The following LMBR1L variants were observed in gnomAD, a reference collection of about 807,000 sequenced individuals.
LMBR1L encodes the protein protein LMBR1L.
Under a neutral mutation model 67.3 loss-of-function variants are expected in LMBR1L, and 47 were observed. That is an observed-to-expected ratio of 0.70 (90% CI 0.55 to 0.89). The LOEUF (loss-of-function observed/expected upper bound fraction) is 0.89. LMBR1L is among the 40% of genes least tolerant of loss of function. The pLI, the probability that LMBR1L is intolerant of heterozygous loss-of-function variation, is 0.00. For synonymous variants in LMBR1L, 247 were observed against 250.3 expected (o/e 0.99, Z 0.13); for missense variants, 533 against 599.2 (o/e 0.89, Z 1.15).
chr12:49,100,666 G>C lies in LMBR1L; in HGVS notation c.1083-20C>G. 6.4e-7 allele frequency: 1 copy of C among 1,565,764 alleles called. No homozygotes were observed. The highest frequency in any genetic ancestry group is 2.2e-5 in the East Asian group (1 of 44,484). On this transcript the variant is annotated intron_variant, in intron 13 of 16. Transcript: ENST00000267102. The stretch of plus-strand genomic sequence containing the variant: ...AGGTAACTGCCACTGCATTAAGGAA[G>C]AACTGGCTGGCTCCAAGAATTAATA...
intron 15 of LMBR1L, among the ~76,000 whole-genome samples, chr12:49,099,339 G>A (rs969484816): frequency 2.6e-5 from 4 of 151,624 alleles, no homozygotes; most frequent in African/African-American, 7.3e-5. Flanking sequence ...CATAAAGATG[G>A]GGTTTCACCA....
At position 49,110,603 on chromosome 12, in the gene LMBR1L, GA is replaced by G. The variant is rs770273102; in HGVS notation, c.-49del. ...CCGAGGTGCCTCTGGGCCCGGGGAG[GA>G]CGAGCGGGGAGGAAGCCGCCGCCGC... On this transcript the variant is annotated 5_prime_UTR_variant, in exon 1 of 17. Coordinates refer to ENST00000267102, the MANE Select transcript of LMBR1L (RefSeq NM_018113.4). 5.1e-6 allele frequency: 8 copies of G among 1,568,782 alleles called. No individual in the cohort carries two copies. In the African/African-American group the frequency reaches 1.1e-4, roughly 21 times the overall value.
rs780859479 is a variant in LMBR1L at position 49,098,019 on chromosome 12, A to C, written c.1327T>G (p.Phe443Val). 1 of 1,614,148 alleles carries C rather than the reference A, an allele frequency of 6.2e-7. No individual in the cohort carries two copies. Among genetic ancestry groups the C allele is most frequent in the Non-Finnish European group, 8.5e-7 (1 of 1,180,024 alleles). ...AGACAGAGTGTGGTGAGGCCTGCAA[A>C]GGCTGCGTTGTAGAGGAACACAATG... ...FYIVFLYNAA[F>V]AGLTTLCLVK... is the part of the protein sequence containing the mutation. Residue 443 changes from phenylalanine to valine, a missense_variant, in exon 16 of 17, where the codon TTT (phenylalanine) becomes GTT (valine). This residue lies in a region of LMBR1L where 223 missense variants were observed against 241.2 expected (regional missense o/e 0.92). Coordinates refer to ENST00000267102, the MANE Select transcript of LMBR1L (RefSeq NM_018113.4).
intron 8 of LMBR1L, among the ~76,000 whole-genome samples, 169 bp downstream of exon 8, chr12:49,102,718 A>T (rs1416302802): frequency 1.3e-5 from 2 of 152,168 alleles, no homozygotes; most frequent in African/African-American, 4.8e-5. Context: ...TCTGCCCTGC[A>T]TGTCTAGTGA....
In LMBR1L at chr12:49,101,648, A is replaced by G. The variant is rs1940204377; in HGVS notation, c.931-99T>C. 11 of 836,396 alleles carry G rather than the reference A, an allele frequency of 1.3e-5. No homozygotes were observed. In the South Asian group the frequency reaches 1.8e-4, roughly 14 times the overall value. 51.8% of individuals were successfully genotyped at this position (836,396 alleles called of 1,614,324 possible). ...CTCTGGTCCAACATTTTCAGTTTCCAAGACTAGCTCTGCTTCCAATGAGCT... is the reference window on the plus strand; with the variant it reads ...CTCTGGTCCAACATTTTCAGTTTCCGAGACTAGCTCTGCTTCCAATGAGCT... On this transcript the variant is annotated intron_variant, in intron 11 of 16. Transcript: ENST00000267102.
intron 15 of LMBR1L, among the ~76,000 whole-genome samples, chr12:49,099,615 CTT>C (rs1265177033): frequency 6.8e-6 from 1 of 146,600 alleles, no homozygotes; most frequent in Non-Finnish European, 1.5e-5. Flanking sequence ...AAGATTCGCT[CTT>C]GTTGCCCAGG....
chr12:49,108,928 G>A (rs946401454), intron 1 of LMBR1L, among the ~76,000 whole-genome samples: 5 of 152,158 alleles, frequency 3.3e-5, no homozygotes, highest in East Asian at 1.9e-4. Flanking sequence ...GAGAGCCATC[G>A]ATCTAGAACA....
intron 15 of LMBR1L, 148 bp from the exon 16 acceptor site, chr12:49,098,253 G>C: frequency 1.2e-6 from 1 of 820,654 alleles, no homozygotes; most frequent in South Asian, 1.7e-5. Context: ...GCTGTCTCAA[G>C]AGCAGTTCGG....
Position 49,104,308 on chromosome 12 carries a change from G to A in LMBR1L, c.435+140C>T, listed in dbSNP as rs574732757. 1.4e-4 allele frequency: 99 copies of A among 702,876 alleles called. 2 individuals are homozygous for A. In the South Asian group the frequency reaches 1.7e-3, roughly 12 times the overall value. The allele number at this position is 702,876 out of a possible 1,614,324, so 43.5% of individuals were successfully genotyped here. A position where few individuals can be genotyped will look rare whatever the true frequency, so the allele number is the denominator to read the frequency against. On this transcript the variant is annotated intron_variant, in intron 5 of 16. Transcript: ENST00000267102. The stretch of plus-strand genomic sequence containing the variant: ...CCTTTGTCCCTACAGGCCTAAGGGT[G>A]GTAATGACTTCCTACTGTCACTAGA...
At position 49,097,550 on chromosome 12, in the gene LMBR1L, C is replaced by G; in HGVS notation, c.*122G>C. The G allele has an allele frequency of 1.0e-6, 1 of 970,896 alleles. No homozygotes were observed. Among genetic ancestry groups the G allele is most frequent in the Non-Finnish European group, 1.6e-6 (1 of 616,102 alleles). 60.1% of individuals were successfully genotyped at this position (970,896 alleles called of 1,614,324 possible). ...ATGCAATAGTGCAGATGGCTCTGCT[C>G]CCCTCTGCCACCCACCCTCTCAGAT... On this transcript the variant is annotated 3_prime_UTR_variant, in exon 17 of 17. Coordinates refer to ENST00000267102, the MANE Select transcript of LMBR1L (RefSeq NM_018113.4).
At position 49,104,484 on chromosome 12, in the gene LMBR1L, G is replaced by C. The variant is rs755285850; in HGVS notation, c.399C>G (p.Phe133Leu). Reference sequence around the variant, plus strand: ...CAGCAAAGCCCTCAGACTCAGTGAAGAAATATGCAAAGGGCATGAGGAAGA... The same window carrying C: ...CAGCAAAGCCCTCAGACTCAGTGAACAAATATGCAAAGGGCATGAGGAAGA... ...SLIFLMPFAYFFTESEGFAGS... is the reference protein window; with the variant it reads ...SLIFLMPFAYLFTESEGFAGS... Residue 133 changes from phenylalanine to leucine, a missense_variant, in exon 5 of 17, where the codon TTC (phenylalanine) becomes TTG (leucine). Physicochemically the swap from Phe to Leu is conservative, Grantham distance 22. Transcript: ENST00000267102. 2 of 1,614,012 alleles carry C rather than the reference G, an allele frequency of 1.2e-6. No homozygotes were observed. The highest frequency in any genetic ancestry group is 1.7e-6 in the Non-Finnish European group (2 of 1,179,924).
Position 49,104,813 on chromosome 12 carries a change from G to A in LMBR1L, c.264C>T (p.Ser88=), listed in dbSNP as rs1298418718. The A allele has an allele frequency of 6.2e-7, 1 of 1,613,844 alleles. No individual in the cohort carries two copies. The highest frequency in any genetic ancestry group is 1.7e-5 in the Admixed American group (1 of 59,978). ...AVLLLPFSII[S]NEVLLSLPRN... The stretch of plus-strand genomic sequence containing the variant: ...GAGGCAGGGAGAGCAGCACCTCATT[G>A]CTGATGATGGAGAAGGGCAGGAGCA... The change falls in exon 4 of 17, where the codon AGC becomes AGT. Residue 88 remains serine, a synonymous_variant. Transcript: ENST00000267102.
Position 49,102,953 on chromosome 12 carries a change from T to G in LMBR1L, c.632-2A>C. The G allele has an allele frequency of 6.2e-7, 1 of 1,614,076 alleles. No homozygotes were observed. Among genetic ancestry groups the G allele is most frequent in the Non-Finnish European group, 8.5e-7 (1 of 1,179,956 alleles). ...GGGCGAGACCCAGTGGAGTACACAC[T>G]GTAGGGACAAGAGCCAGTCACTTGC... On this transcript the variant is annotated splice_acceptor_variant, in intron 7 of 16. Coordinates refer to ENST00000267102, the MANE Select transcript of LMBR1L (RefSeq NM_018113.4). LOFTEE classifies it high-confidence loss of function.
Position 49,101,285 on chromosome 12 carries a change from G to T in LMBR1L, c.1047C>A (p.Gly349=), listed in dbSNP as rs1241723327. 2 of 1,614,056 alleles carry T rather than the reference G, an allele frequency of 1.2e-6. No individual in the cohort carries two copies. Among genetic ancestry groups the T allele is most frequent in the Non-Finnish European group, 1.7e-6 (2 of 1,180,050 alleles). The stretch of plus-strand genomic sequence containing the variant: ...CAACCTGAATGACGGCACCAAAGGA[G>T]CCCAGCTTGGAGAAGGAGACCTGGC... ...SLGQVSFSKL[G]SFGAVIQVVL... is the part of the protein sequence containing the mutation. The change falls in exon 13 of 17, where the codon GGC becomes GGA. Residue 349 remains glycine, a synonymous_variant. Coordinates refer to ENST00000267102, the MANE Select transcript of LMBR1L (RefSeq NM_018113.4).
chr12:49,110,557 C>T lies in LMBR1L; in HGVS notation c.-2G>A. ...CACTTCGTAGTCAGGTGCTTCCATACTCTGCTCAGCATGACTGAAGCCGAG... is the reference window on the plus strand; with the variant it reads ...CACTTCGTAGTCAGGTGCTTCCATATTCTGCTCAGCATGACTGAAGCCGAG... On this transcript the variant is annotated 5_prime_UTR_variant, in exon 1 of 17. Transcript: ENST00000267102. 5 of 1,613,934 alleles carry T rather than the reference C, an allele frequency of 3.1e-6. No homozygotes were observed. The highest frequency in any genetic ancestry group is 1.1e-5 in the South Asian group (1 of 91,074).
intron 15 of LMBR1L, 30 bp from the exon 16 acceptor site, chr12:49,098,135 G>A (rs771843727): frequency 1.3e-6 from 2 of 1,591,470 alleles, no homozygotes; most frequent in Non-Finnish European, 8.6e-7. Flanking sequence ...ATGAGAGGTG[G>A]GCTCCCCAGG....
Position 49,103,194 on chromosome 12 carries a change from TCTC to T in LMBR1L, c.563-38_563-36del, listed in dbSNP as rs1357718005. On this transcript the variant is annotated intron_variant, in intron 6 of 16. Coordinates refer to ENST00000267102, the MANE Select transcript of LMBR1L (RefSeq NM_018113.4). ...AAAAAAAGAGGCATGTCAGCTCATCTCTCCTTACTTACTGTCCCCAGGCTGACA... is the reference window on the plus strand; with the variant it reads ...AAAAAAAGAGGCATGTCAGCTCATCTCTTACTTACTGTCCCCAGGCTGACA... 3 of 1,571,328 alleles carry T rather than the reference TCTC, an allele frequency of 1.9e-6. No individual in the cohort carries two copies. The African/African-American group carries it at 4.1e-5, about 21-fold the overall frequency.
In LMBR1L at chr12:49,100,416, T is replaced by C; in HGVS notation, c.1212A>G (p.Ser404=). Residue 404 remains serine (S), a synonymous_variant, in exon 15 of 17, where the codon TCA becomes TCG. Coordinates refer to ENST00000267102, the MANE Select transcript of LMBR1L (RefSeq NM_018113.4). Reference sequence around the variant, plus strand: ...GGGTTCGAGAGAAGACAGGAAGTGCTGAGCTTAGGACCAGGAGACAGACAC... The same window carrying C: ...GGGTTCGAGAGAAGACAGGAAGTGCCGAGCTTAGGACCAGGAGACAGACAC... ...GNCVCLLVLS[S]ALPVFSRTLG... 6.2e-7 allele frequency: 1 copy of C among 1,613,758 alleles called. No homozygotes were observed. Among genetic ancestry groups the C allele is most frequent in the Non-Finnish European group, 8.5e-7 (1 of 1,179,608 alleles).
chr12:49,104,755 G>A lies in LMBR1L; in HGVS notation c.322C>T (p.Leu108Phe). The stretch of plus-strand genomic sequence containing the variant: ...TCCAGGAGCCACACACCATGGATGA[G>A]GGAGCCGTTGAGCCACTGGATGTAG... The part of the protein sequence containing the change: ...NYYIQWLNGS[L>F]IHGLWNLVFL... Residue 108 changes from leucine to phenylalanine, a missense_variant, in exon 4 of 17, where the codon CTC becomes TTC. Physicochemically the swap from Leu to Phe is conservative, Grantham distance 22. Coordinates refer to ENST00000267102, the MANE Select transcript of LMBR1L (RefSeq NM_018113.4). 1.9e-6 allele frequency: 3 copies of A among 1,613,470 alleles called. No homozygotes were observed. Among genetic ancestry groups the A allele is most frequent in the Non-Finnish European group, 2.5e-6 (3 of 1,179,726 alleles).
Sources: allele counts gnomAD v4.1 joint callset (sites outside exome capture counted in the v4.1 genomes callset), GRCh38; gene constraint gnomAD v4.1.1; regional missense constraint gnomAD v4.1.1; transcripts MANE v1.5; gene names NCBI Gene and HGNC (gene_info 2026-07-23, HGNC 2026-07-21).